The following FAT4 variants were observed in gnomAD, a reference collection of about 807,000 sequenced individuals.
The protein encoded by FAT4 is protocadherin Fat 4.
Under a neutral mutation model 303.9 loss-of-function variants are expected in FAT4, and 84 were observed. The ratio of observed to expected loss-of-function variants is 0.28; its 90% CI spans 0.23 to 0.33. The LOEUF is 0.33. Among genes scored for constraint, FAT4 ranks in the 10% least tolerant of loss-of-function variants. The pLI is 1.00. For synonymous variants in FAT4, 2,307 were observed against 2,298.8 expected, an observed-to-expected ratio of 1.00 and a Z score of -0.10; for missense variants, 6,005 against 6,146.8, an observed-to-expected ratio of 0.98 and a Z score of 0.77.
intron 8 of FAT4, among the ~76,000 whole-genome samples, chr4:125,439,914 A>G (rs146618878): frequency 1.3e-5 from 2 of 152,216 alleles, no homozygotes; most frequent in Non-Finnish European, 2.9e-5. Context: ...ATAAAAATGA[A>G]CATAAAAATT....
In FAT4 at chr4:125,320,035, C is replaced by G; in HGVS notation, c.3624C>G (p.Pro1208=). 1 of 1,613,406 alleles carries G rather than the reference C, an allele frequency of 6.2e-7. No individual in the cohort carries two copies. Residue 1208 remains proline, a synonymous_variant, in exon 2 of 18, where the codon CCC becomes CCG. Coordinates refer to ENST00000394329, the MANE Select transcript of FAT4 (RefSeq NM_001291303.3). ...TGAAGGATATAAATGATAATGCTCC[C>G]AAATTTTTAAAAGACTTTTACCAAG... The part of the protein sequence containing the change: ...VYMKDINDNA[P]KFLKDFYQAT...
In FAT4 at chr4:125,321,527, C is replaced by T. The variant is rs1022018981; in HGVS notation, c.5116C>T (p.Leu1706=). 1.4e-5 allele frequency: 23 copies of T among 1,613,836 alleles called. No homozygotes were observed. Among genetic ancestry groups the T allele is most frequent in the East Asian group, 2.2e-5 (1 of 44,892 alleles). ...LDREQGACLY[L]VDVYAIEKST... is the part of the protein sequence containing the mutation. Reference sequence around the variant, plus strand: ...CCGGGAGCAAGGAGCATGTCTTTACCTGGTGGATGTTTATGCCATAGAAAA... The same window carrying T: ...CCGGGAGCAAGGAGCATGTCTTTACTTGGTGGATGTTTATGCCATAGAAAA... Residue 1706 remains leucine, a synonymous_variant, in exon 2 of 18, where the codon CTG becomes TTG. Coordinates refer to ENST00000394329, the MANE Select transcript of FAT4 (RefSeq NM_001291303.3).
intron 2 of FAT4, among the ~76,000 whole-genome samples, chr4:125,379,708 C>T (rs1485628203): frequency 1.3e-5 from 2 of 152,038 alleles, no homozygotes; most frequent in African/African-American, 4.8e-5. Context: ...AATCCACCCA[C>T]CTCGGCCTCC....
chr4:125,476,174 G>T lies in FAT4; in HGVS notation c.12217G>T (p.Ala4073Ser). The change falls in exon 13 of 18, where the codon GCC becomes TCC. Residue 4073 changes from alanine (A) to serine (S), a missense_variant. Physicochemically the swap from Ala to Ser is moderately conservative, Grantham distance 99. Transcript: ENST00000394329. The stretch of plus-strand genomic sequence containing the variant: ...GTTTCTTTCTCTTGCTTCGTAGGCA[G>T]CCTCCTTAACTGTGGACTCCTGTTC... ...TVIARRAGMA[A>S]SLTVDSCSEN... 1 of 1,586,630 alleles carries T rather than the reference G, an allele frequency of 6.3e-7. No homozygotes were observed. Among genetic ancestry groups the T allele is most frequent in the Non-Finnish European group, 8.6e-7 (1 of 1,161,064 alleles).
intron 2 of FAT4, among the ~76,000 whole-genome samples, chr4:125,357,180 A>G (rs1158439556): frequency 6.6e-6 from 1 of 152,148 alleles, no homozygotes; most frequent in African/African-American, 2.4e-5. Flanking sequence ...GTTTCTGAGT[A>G]CCTGTAAACA....
At position 125,320,823 on chromosome 4, in the gene FAT4, T is replaced by C; in HGVS notation, c.4412T>C (p.Ile1471Thr). The C allele has an allele frequency of 6.2e-7, 1 of 1,614,124 alleles. No individual in the cohort carries two copies. The highest frequency in any genetic ancestry group is 8.5e-7 in the Non-Finnish European group (1 of 1,179,972). The change falls in exon 2 of 18, where the codon ATA becomes ACA. Residue 1471 changes from isoleucine (I) to threonine (T), a missense_variant. Physicochemically the swap from Ile to Thr is moderately conservative, Grantham distance 89. Coordinates refer to ENST00000394329, the MANE Select transcript of FAT4 (RefSeq NM_001291303.3). The stretch of plus-strand genomic sequence containing the variant: ...ATGCCAAGAGGCAACCACTTTACCA[T>C]AGATGAAGTCAAAGGGACTATATAT... ...QQMPRGNHFT[I>T]DEVKGTIYTN...
At chr4:125,329,890 C>T (rs930438571) in intron 2 of FAT4, among the ~76,000 whole-genome samples, 7 of 152,154 alleles carry the variant, frequency 4.6e-5, no homozygotes, top group African/African-American at 1.7e-4. Context: ...TACTTACAAC[C>T]TTTCAGTTGA....
intron 2 of FAT4, among the ~76,000 whole-genome samples, chr4:125,385,500 G>T (rs1211195410): frequency 6.6e-6 from 1 of 152,040 alleles, no homozygotes; most frequent in Non-Finnish European, 1.5e-5. Flanking sequence ...TATTTTTCCA[G>T]TTTTTTTCCA....
intron 2 of FAT4, among the ~76,000 whole-genome samples, chr4:125,333,234 A>G (rs1053007459): frequency 4.6e-5 from 7 of 152,074 alleles, no homozygotes; most frequent in African/African-American, 1.7e-4. Context: ...TATGTAAGTC[A>G]TGGTGCTCTT....
chr4:125,415,693 A>C lies in FAT4; in HGVS notation c.6730A>C (p.Thr2244Pro), dbSNP rs771773517. 8 of 1,614,014 alleles carry C rather than the reference A, an allele frequency of 5.0e-6. No homozygotes were observed. Among genetic ancestry groups the C allele is most frequent in the Non-Finnish European group, 6.8e-6 (8 of 1,179,948 alleles). ...CAGCACACCCAGAACTGATACCTCCACGGTCAGCATTGTTCTACTGGATAT... is the reference window on the plus strand; with the variant it reads ...CAGCACACCCAGAACTGATACCTCCCCGGTCAGCATTGTTCTACTGGATAT... Reference protein sequence around the residue: ...RGSTPRTDTSTVSIVLLDIND... With the variant: ...RGSTPRTDTSPVSIVLLDIND... Residue 2244 changes from threonine (T) to proline (P), a missense_variant, in exon 6 of 18, where the codon ACG (threonine) becomes CCG (proline). Transcript: ENST00000394329.
intron 2 of FAT4, among the ~76,000 whole-genome samples, chr4:125,371,767 G>A (rs949023196): frequency 6.6e-6 from 1 of 151,572 alleles, no homozygotes; most frequent in Non-Finnish European, 1.5e-5. Flanking sequence ...TACAGATAGA[G>A]TTTTTTGTGA....
chr4:125,316,763 C>T lies in FAT4; in HGVS notation c.352C>T (p.Pro118Ser). 1 of 1,614,078 alleles carries T rather than the reference C, an allele frequency of 6.2e-7. No homozygotes were observed. Among genetic ancestry groups the T allele is most frequent in the Non-Finnish European group, 8.5e-7 (1 of 1,180,032 alleles). The change falls in exon 2 of 18, where the codon CCC becomes TCC. Residue 118 changes from proline (P) to serine (S), a missense_variant. Pro to Ser is a moderately conservative substitution (Grantham distance 74, BLOSUM62 -1). Coordinates refer to ENST00000394329, the MANE Select transcript of FAT4 (RefSeq NM_001291303.3). The surrounding 1 kb of genome is among the most constrained non-coding windows in gnomAD (Gnocchi z 5.7). ...GGTCCTTTCCAGCGCGCCCACCTACCCCACCGAAGTGCGAGTGCTGGTGCG... is the reference window on the plus strand; with the variant it reads ...GGTCCTTTCCAGCGCGCCCACCTACTCCACCGAAGTGCGAGTGCTGGTGCG... ...LVVLSSAPTY[P>S]TEVRVLVRDL... is the part of the protein sequence containing the mutation.
At chr4:125,468,373 A>G (rs2126075857) in intron 11 of FAT4, 139 bp from the exon 12 acceptor site, 1 of 502,474 alleles carries the variant, frequency 2.0e-6, no homozygotes, top group Non-Finnish European at 3.3e-6. Context: ...TTTTAATTTT[A>G]GTTTAGATGA....
chr4:125,477,078 C>T, intron 13 of FAT4, 77 bp from the exon 14 acceptor site: 2 of 1,149,228 alleles, frequency 1.7e-6, no homozygotes, highest in Non-Finnish European at 2.3e-6. Flanking sequence ...GCTATATTCA[C>T]TCTTTTTCGA....
chr4:125,378,247 A>G (rs1472622844), intron 2 of FAT4, among the ~76,000 whole-genome samples: 2 of 152,156 alleles, frequency 1.3e-5, no homozygotes, highest in African/African-American at 2.4e-5. Flanking sequence ...AATATAAAGA[A>G]TAGCTTTAAG....
intron 8 of FAT4, among the ~76,000 whole-genome samples, chr4:125,436,494 A>G (rs1441674345): frequency 1.3e-5 from 2 of 152,204 alleles, no homozygotes; most frequent in Non-Finnish European, 2.9e-5. Context: ...TTTAGAGGAC[A>G]TTTAAAACCA....
chr4:125,414,785 G>A (rs1253170443), intron 5 of FAT4, 99 bp from the exon 6 acceptor site: 14 of 727,806 alleles, frequency 1.9e-5, no homozygotes, highest in Admixed American at 1.7e-4. Context: ...TGGATGCACG[G>A]CATATCAAAC....
At chr4:125,387,269 T>C (rs1280365939) in intron 2 of FAT4, among the ~76,000 whole-genome samples, 1 of 152,196 alleles carries the variant, frequency 6.6e-6, no homozygotes, top group Non-Finnish European at 1.5e-5. Context: ...TAGAAATGTC[T>C]GCAAAGGTGA....
chr4:125,478,870 T>C (rs1727124828), intron 14 of FAT4, among the ~76,000 whole-genome samples: 1 of 152,098 alleles, frequency 6.6e-6, no homozygotes, highest in Non-Finnish European at 1.5e-5. Flanking sequence ...TTTTCACTTC[T>C]TGGCTCAAAG....
Sources: allele counts gnomAD v4.1 joint callset (sites outside exome capture counted in the v4.1 genomes callset), GRCh38; gene constraint gnomAD v4.1.1; non-coding constraint Gnocchi (gnomAD v3.1); transcripts MANE v1.5; gene names NCBI Gene and HGNC (gene_info 2026-07-23, HGNC 2026-07-21).